Variants in ZC4H2 observed in about 807,000 individuals in gnomAD.
The protein encoded by ZC4H2 is zinc finger C4H2 domain-containing protein.
For synonymous variants in ZC4H2, 84 were observed against 66.3 expected (o/e 1.27, Z -1.30); for missense variants, 137 against 173.9 (o/e 0.79, Z 1.19).
chrX:65,003,704 C>T (rs5964894), intron 1 of ZC4H2, among the ~76,000 whole-genome samples: 4,075 of 109,451 alleles, frequency 0.037, 184 homozygotes, highest in African/African-American at 0.13. Flanking sequence ...GGCGAAACCC[C>T]GTCTCTATTA....
chrX:64,929,794 G>A (rs190240391), intron 1 of ZC4H2, among the ~76,000 whole-genome samples: 1,214 of 111,495 alleles, frequency 0.011, 8 homozygotes, highest in Non-Finnish European at 0.018. Flanking sequence ...ATTTGATGTC[G>A]GGAAATGTGA....
chrX:64,964,270 C>T (rs1931508374), intron 1 of ZC4H2, among the ~76,000 whole-genome samples: 1 of 109,566 alleles, frequency 9.1e-6, no homozygotes, highest in Non-Finnish European at 1.9e-5. Flanking sequence ...AACTGAAGAC[C>T]AAGAAGAAAG....
chrX:64,927,498 A>G (rs937088405), intron 1 of ZC4H2, among the ~76,000 whole-genome samples: 3 of 112,193 alleles, frequency 2.7e-5, no homozygotes, highest in African/African-American at 9.7e-5. Context: ...TCCAAGGTGT[A>G]TAAGTGCCAC....
intron 1 of ZC4H2, among the ~76,000 whole-genome samples, chrX:65,019,650 C>T (rs777175052): frequency 2.7e-5 from 3 of 112,062 alleles, no homozygotes; most frequent in South Asian, 7.5e-4. Flanking sequence ...CACAACTCCT[C>T]GCCAGCAAGG....
chrX:65,004,817 T>G (rs1213305669), intron 1 of ZC4H2, among the ~76,000 whole-genome samples: 1 of 111,984 alleles, frequency 8.9e-6, no homozygotes, highest in African/African-American at 3.2e-5. Flanking sequence ...GACATGATTG[T>G]ATATTTAGAA....
intron 1 of ZC4H2, among the ~76,000 whole-genome samples, chrX:64,941,950 A>G (rs943302727): frequency 8.9e-6 from 1 of 112,148 alleles, no homozygotes; most frequent in Non-Finnish European, 1.9e-5. Flanking sequence ...TGTTTGGAAT[A>G]GTTTCAGAAG....
At chrX:65,011,714 AT>A (rs997165550) in intron 1 of ZC4H2, among the ~76,000 whole-genome samples, 2 of 105,249 alleles carry the variant, frequency 1.9e-5, no homozygotes, top group African/African-American at 3.5e-5. Context: ...TTTTTTTTGT[AT>A]TTTTTTTTGT....
At chrX:64,976,266 G>T in intron 1 of ZC4H2, 59 bp downstream of exon 1, 1 of 1,139,304 alleles carries the variant, frequency 8.8e-7, no homozygotes, top group Non-Finnish European at 1.2e-6. Flanking sequence ...TAGATAATTA[G>T]CCCTCTCCCG....
chrX:64,970,967 C>T (rs973789511), intron 1 of ZC4H2, among the ~76,000 whole-genome samples: 4 of 111,801 alleles, frequency 3.6e-5, no homozygotes, highest in African/African-American at 6.5e-5. Context: ...TAAGAAATGA[C>T]GTAAGTGAGA....
intron 1 of ZC4H2, among the ~76,000 whole-genome samples, chrX:64,954,318 TTA>T (rs35605122): frequency 0.047 from 2,950 of 62,182 alleles, 264 homozygotes; most frequent in African/African-American, 0.24. Flanking sequence ...TAAAGTATAA[TTA>T]TATATATATA....
chrX:64,998,558 C>T (rs1932464049), intron 1 of ZC4H2, among the ~76,000 whole-genome samples: 1 of 111,692 alleles, frequency 9.0e-6, no homozygotes, highest in Non-Finnish European at 1.9e-5. Context: ...CATCTATCCT[C>T]AAAAATATAT....
chrX:64,930,010 A>G (rs1011586662), intron 1 of ZC4H2, among the ~76,000 whole-genome samples: 59 of 111,440 alleles, frequency 5.3e-4, no homozygotes, highest in Non-Finnish European at 3.8e-4. Context: ...AGCATGGAAT[A>G]TGTTGCCATT....
chrX:64,947,704 C>G (rs1351858371), intron 1 of ZC4H2, among the ~76,000 whole-genome samples: 1 of 112,005 alleles, frequency 8.9e-6, no homozygotes, highest in Non-Finnish European at 1.9e-5. Flanking sequence ...GTAACAATAG[C>G]TGAGCCTTGG....
chrX:64,928,632 C>CCTTCTTCTTCTTCTTCTT (rs753426558), intron 1 of ZC4H2, among the ~76,000 whole-genome samples: 928 of 83,326 alleles, frequency 0.011, 41 homozygotes, highest in African/African-American at 0.038. Flanking sequence ...CCTGCTTTCT[C>CCTTCTTCTTCTTCTTCTT]CTTCTTCTTC....
intron 1 of ZC4H2, among the ~76,000 whole-genome samples, chrX:64,994,941 T>TA (rs1208121478): frequency 8.1e-5 from 9 of 110,931 alleles, no homozygotes; most frequent in Non-Finnish European, 1.7e-4. Context: ...GTAAGATACA[T>TA]ACAAAAGTAG....
chrX:64,928,257 T>A (rs1288273348), intron 1 of ZC4H2, among the ~76,000 whole-genome samples: 1 of 112,375 alleles, frequency 8.9e-6, no homozygotes, highest in Non-Finnish European at 1.9e-5. Flanking sequence ...TGGTTTTAGG[T>A]CTTACATTTA....
chrX:65,020,790 C>T (rs1932830935), intron 1 of ZC4H2, among the ~76,000 whole-genome samples: 1 of 111,835 alleles, frequency 8.9e-6, no homozygotes, highest in African/African-American at 3.3e-5. Flanking sequence ...GGAGCCCCAT[C>T]TTATGTGCAA....
Position 65,021,790 on chromosome X carries a change from A to C in ZC4H2, c.-272+12839T>G, listed in dbSNP as rs1418691875. On this transcript the variant is annotated intron_variant, in intron 1 of 4. Coordinates refer to the ZC4H2 transcript ENST00000337990. ...AGATAGACCACAAGCCAGACTAATAAAGAAGAAAAAAGAGAAGAATCAAAT... is the reference window on the plus strand; with the variant it reads ...AGATAGACCACAAGCCAGACTAATACAGAAGAAAAAAGAGAAGAATCAAAT... Among the ~76,000 whole-genome samples the C allele has an allele frequency of 5.4e-5, 6 of 111,396 alleles. 1 individual carries two copies. Among genetic ancestry groups the C allele is most frequent in the African/African-American group, 2.0e-4 (6 of 30,082 alleles).
intron 1 of ZC4H2, among the ~76,000 whole-genome samples, chrX:65,005,963 C>T (rs1467669733): frequency 9.0e-6 from 1 of 111,609 alleles, no homozygotes; most frequent in Non-Finnish European, 1.9e-5. Flanking sequence ...AAAAAAGGCT[C>T]ATCATCACTG....
Sources: allele counts gnomAD v4.1 joint callset (sites outside exome capture counted in the v4.1 genomes callset), GRCh38; gene constraint gnomAD v4.1.1; transcripts MANE v1.5; gene names NCBI Gene and HGNC (gene_info 2026-07-23, HGNC 2026-07-21).